POU2F1: variants seen among roughly 807,000 people sequenced by gnomAD.
POU2F1 encodes the protein POU class 2 homeobox 1.
In POU2F1, 16 loss-of-function variants were observed where a neutral mutation model predicts 84.9. That is an observed-to-expected ratio of 0.19 (90% CI 0.13 to 0.29). The LOEUF (loss-of-function observed/expected upper bound fraction) is 0.29. Ranked by LOEUF, POU2F1 falls within the 10% of genes least tolerant of loss-of-function variation. The pLI is 1.00. For synonymous variants in POU2F1, 368 were observed against 368.3 expected (o/e 1.00, Z 0.01); for missense variants, 738 against 942.6 (o/e 0.78, Z 2.84).
chr1:167,355,701 ATGTT>A (rs1658890682), intron 2 of POU2F1, among the ~76,000 whole-genome samples: 1 of 152,022 alleles, frequency 6.6e-6, no homozygotes, highest in South Asian at 2.1e-4. Flanking sequence ...TTTTTTCACT[ATGTT>A]GCTCAAGCTG....
In POU2F1 at chr1:167,300,513, A is replaced by G. The variant is rs531871224; in HGVS notation, c.62-31957A>G. On this transcript the variant is annotated intron_variant, in intron 1 of 15. Coordinates refer to ENST00000367866, the MANE Select transcript of POU2F1 (RefSeq NM_002697.4). ...CGGAGTCTTGCTCTGTCGCCAGGCC[A>G]GAGTGTAGTGGCGCGATCTCAGCTT... Among the ~76,000 whole-genome samples, 10 of 152,124 alleles carry G rather than the reference A, an allele frequency of 6.6e-5. No individual in the cohort carries two copies. The East Asian group carries it at 1.9e-3, about 29-fold the overall frequency.
At position 167,284,360 on chromosome 1, in the gene POU2F1, TG is replaced by T. The variant is rs1398500592; in HGVS notation, c.62-48109del. Among the ~76,000 whole-genome samples the T allele has an allele frequency of 6.6e-5, 10 of 152,328 alleles. No individual in the cohort carries two copies. In the East Asian group the frequency reaches 1.7e-3, roughly 26 times the overall value. On this transcript the variant is annotated intron_variant, in intron 1 of 15. Transcript: ENST00000367866. ...GAATGACAGCGAAAAGCTGGTGCTCTGATAGACCATGCTGCATCTCCTACTG... is the reference window on the plus strand; with the variant it reads ...GAATGACAGCGAAAAGCTGGTGCTCTATAGACCATGCTGCATCTCCTACTG...
intron 2 of POU2F1, among the ~76,000 whole-genome samples, chr1:167,334,886 T>TA (rs1245943506): frequency 6.6e-6 from 1 of 152,234 alleles, no homozygotes; most frequent in East Asian, 1.9e-4. Flanking sequence ...AACATTATAG[T>TA]AAAACTGAAG....
chr1:167,277,177 G>C (rs557861707), intron 1 of POU2F1, among the ~76,000 whole-genome samples: 2 of 151,914 alleles, frequency 1.3e-5, no homozygotes, highest in African/African-American at 4.8e-5. Context: ...TGCTTTCTCG[G>C]TTCTCTTCTC....
Position 167,329,423 on chromosome 1 carries a change from T to G in POU2F1, c.62-3047T>G, listed in dbSNP as rs1571311574. The G allele has an allele frequency of 9.7e-6, 12 of 1,237,472 alleles. No individual in the cohort carries two copies. In the South Asian group the frequency reaches 1.7e-4, roughly 17 times the overall value. 76.7% of individuals were successfully genotyped at this position (1,237,472 alleles called of 1,614,324 possible). A position where few individuals can be genotyped will look rare whatever the true frequency, so the allele number is the denominator to read the frequency against. On this transcript the variant is annotated intron_variant, in intron 1 of 15. Transcript: ENST00000367866. The stretch of plus-strand genomic sequence containing the variant: ...AGCCTGTGGCGGGGGAGGGGGAGAG[T>G]TGGACTGAGCAGGGAAGGAGGAAAG...
At chr1:167,258,125 G>C (rs887316935) in intron 1 of POU2F1, among the ~76,000 whole-genome samples, 1 of 152,116 alleles carries the variant, frequency 6.6e-6, no homozygotes, top group South Asian at 2.1e-4. Context: ...GTAAACATAG[G>C]CAAGCTGATT....
chr1:167,222,383 C>T (rs980519255), intron 1 of POU2F1, among the ~76,000 whole-genome samples: 1 of 152,306 alleles, frequency 6.6e-6, no homozygotes, highest in South Asian at 2.1e-4. Flanking sequence ...TTCCCCGCCT[C>T]TCATGTTTAG....
chr1:167,332,628 A>G (rs1297869833), intron 2 of POU2F1, 93 bp downstream of exon 2: 4 of 978,806 alleles, frequency 4.1e-6, no homozygotes, highest in Non-Finnish European at 6.3e-6. Flanking sequence ...TGGCAAATAC[A>G]GACCAATTTG....
chr1:167,407,279 C>T (rs1001079367), intron 13 of POU2F1, among the ~76,000 whole-genome samples: 3 of 152,136 alleles, frequency 2.0e-5, no homozygotes, highest in African/African-American at 7.2e-5. Flanking sequence ...ATTCACCCAC[C>T]TTGGCCTCCC....
At chr1:167,349,366 C>T (rs1291232931) in intron 2 of POU2F1, among the ~76,000 whole-genome samples, 2 of 152,116 alleles carry the variant, frequency 1.3e-5, no homozygotes, top group African/African-American at 4.8e-5. Flanking sequence ...TTCATAAATG[C>T]ATTACTTGTG....
intron 1 of POU2F1, among the ~76,000 whole-genome samples, chr1:167,245,160 A>G (rs1571154959): frequency 6.6e-6 from 1 of 152,182 alleles, no homozygotes; most frequent in East Asian, 1.9e-4. Context: ...AACTCTAGAA[A>G]TCAACTCTAA....
At chr1:167,311,771 CATTTATTTATTTATTT>C (rs3059735) in intron 1 of POU2F1, among the ~76,000 whole-genome samples, 6 of 144,636 alleles carry the variant, frequency 4.1e-5, no homozygotes, top group South Asian at 2.2e-4. Flanking sequence ...TACAAAAAAT[CATTTATTTATTTATTT>C]ATTTATTTAT....
At chr1:167,243,381 T>C (rs1284500134) in intron 1 of POU2F1, among the ~76,000 whole-genome samples, 1 of 152,284 alleles carries the variant, frequency 6.6e-6, no homozygotes, top group African/African-American at 2.4e-5. Flanking sequence ...TCTGTCGATT[T>C]ATGTAAACTA....
intron 3 of POU2F1, 76 bp from the exon 4 acceptor site, chr1:167,370,085 A>G (rs368620145): frequency 1.3e-5 from 16 of 1,262,490 alleles, no homozygotes; most frequent in Non-Finnish European, 1.7e-5. Context: ...CACATAGTAG[A>G]CTTTATTTAG....
chr1:167,411,994 G>A lies in POU2F1; in HGVS notation c.1591G>A (p.Val531Met), dbSNP rs145573672. ...SDTTSNNTAT[V>M]ISTAPPASSA... ...CACCACCTCCAACAACACAGCAACC[G>A]TGATTTCCACAGCGCCTCCAGCTTC... The change falls in exon 14 of 16, where the codon GTG becomes ATG. Residue 531 changes from valine to methionine, a missense_variant. Around this residue, in one of 4 missense-constraint regions of POU2F1, gnomAD observed 319 missense variants for 386.0 expected, o/e 0.83. Coordinates refer to ENST00000367866, the MANE Select transcript of POU2F1 (RefSeq NM_002697.4). The A allele has an allele frequency of 4.3e-6, 7 of 1,613,868 alleles. No individual in the cohort carries two copies. The highest frequency in any genetic ancestry group is 2.2e-5 in the East Asian group (1 of 44,868).
chr1:167,330,262 G>C lies in POU2F1; in HGVS notation c.62-2208G>C, dbSNP rs147482477. 3.9e-5 allele frequency among the ~76,000 whole-genome samples: 6 copies of C among 152,194 alleles called. No individual in the cohort carries two copies. The East Asian group carries it at 1.2e-3, about 29-fold the overall frequency. On this transcript the variant is annotated intron_variant, in intron 1 of 15. Transcript: ENST00000367866. ...TCATTTTCTGCACTTGAAAATTAAA[G>C]CTGCTCCTGTCACCTTCATAGTTGC...
chr1:167,422,205 C>G lies in POU2F1; in HGVS notation c.*6395C>G, dbSNP rs1650690959. On this transcript the variant is annotated 3_prime_UTR_variant, in exon 16 of 16. Coordinates refer to ENST00000367866, the MANE Select transcript of POU2F1 (RefSeq NM_002697.4). ...TCATTACCTCTGTACATAGCAAAAG[C>G]ATAGGCAAAGGATGAATGCGTGAAT... is the stretch of plus-strand genomic sequence containing the variant. 1 of 152,206 alleles carries G rather than the reference C, an allele frequency of 6.6e-6. No individual in the cohort carries two copies. The highest frequency in any genetic ancestry group is 2.1e-4 in the South Asian group (1 of 4,832). The allele number at this position is 152,206 out of a possible 1,614,324, so 9.4% of individuals were successfully genotyped here.
chr1:167,262,613 G>A (rs1651656045), intron 1 of POU2F1, among the ~76,000 whole-genome samples: 1 of 152,148 alleles, frequency 6.6e-6, no homozygotes. Context: ...TTTAATTGAG[G>A]AGATCAAACA....
At chr1:167,345,690 T>C (rs1658143496) in intron 2 of POU2F1, among the ~76,000 whole-genome samples, 2 of 152,204 alleles carry the variant, frequency 1.3e-5, no homozygotes, top group Non-Finnish European at 2.9e-5. Context: ...AAGGTCAATG[T>C]TTGGTAATTT....
Sources: gnomAD v4.1 joint callset for allele counts (sites outside exome capture counted in the v4.1 genomes callset) on GRCh38, gnomAD v4.1.1 for gene constraint, gnomAD v4.1.1 regional missense constraint, MANE v1.5 for transcripts, NCBI Gene and HGNC (gene_info 2026-07-23, HGNC 2026-07-21) for gene names.